SGCZ: variants seen among roughly 807,000 people sequenced by gnomAD.
SGCZ encodes the protein zeta-sarcoglycan.
SGCZ carries 40 observed loss-of-function variants against 41.3 expected under a neutral mutation model. The ratio of observed to expected loss-of-function variants is 0.97; its 90% confidence interval spans 0.75 to 1.26. SGCZ has a LOEUF of 1.26. SGCZ is among the 50% of genes most tolerant of loss of function. The probability of loss-of-function intolerance (pLI) is 0.00; values close to 1 mark genes in which losing one functional copy is unlikely to be tolerated. For synonymous variants in SGCZ, 206 were observed against 137.5 expected (o/e 1.50, Z -3.49); for missense variants, 552 against 369.8 (o/e 1.49, Z -4.04).
intron 1 of SGCZ, among the ~76,000 whole-genome samples, chr8:14,867,772 G>A (rs961528883): frequency 6.6e-6 from 1 of 152,198 alleles, no homozygotes; most frequent in Admixed American, 6.5e-5. Flanking sequence ...GGAGGGTGGA[G>A]AGTGGGAGAA....
At chr8:14,827,301 A>C (rs1423581447) in intron 1 of SGCZ, among the ~76,000 whole-genome samples, 1 of 142,642 alleles carries the variant, frequency 7.0e-6, no homozygotes, top group Non-Finnish European at 1.5e-5. Flanking sequence ...CAGTGACGCC[A>C]TCTCAGCTCA....
chr8:14,162,402 T>G (rs1199807232), intron 5 of SGCZ, among the ~76,000 whole-genome samples: 2 of 152,184 alleles, frequency 1.3e-5, no homozygotes, highest in African/African-American at 4.8e-5. Context: ...GTTCAAAGAT[T>G]ATTAATGTTG....
At chr8:14,777,508 G>A (rs141671244) in intron 1 of SGCZ, among the ~76,000 whole-genome samples, 3 of 152,074 alleles carry the variant, frequency 2.0e-5, no homozygotes, top group African/African-American at 7.2e-5. Context: ...GCCTTTTCTA[G>A]TTGAAGATCC....
chr8:14,348,470 C>A (rs1345192430), intron 2 of SGCZ, among the ~76,000 whole-genome samples: 1 of 152,052 alleles, frequency 6.6e-6, no homozygotes, highest in Non-Finnish European at 1.5e-5. Flanking sequence ...TACCATTATG[C>A]AGTATATTTG....
intron 1 of SGCZ, among the ~76,000 whole-genome samples, chr8:15,190,178 G>A (rs995925561): frequency 2.0e-5 from 3 of 152,032 alleles, no homozygotes; most frequent in African/African-American, 4.8e-5. Flanking sequence ...TAACACCAAC[G>A]GCAAAATCCT....
In SGCZ at chr8:14,812,551, A is replaced by G. The variant is rs948642551; in HGVS notation, c.40-257625T>C. On this transcript the variant is annotated intron_variant, in intron 1 of 7. Transcript: ENST00000382080. Reference sequence around the variant, plus strand: ...CGTTGGCTTCATTTGAATTCTTTCCATAATTTGAGACTGAGTATCTTGTTT... The same window carrying G: ...CGTTGGCTTCATTTGAATTCTTTCCGTAATTTGAGACTGAGTATCTTGTTT... Among the ~76,000 whole-genome samples the G allele has an allele frequency of 2.6e-5, 4 of 152,278 alleles. 1 individual carries two copies. Among genetic ancestry groups the G allele is most frequent in the East Asian group, 1.9e-4 (1 of 5,190 alleles).
chr8:14,921,692 T>A (rs1224946722), intron 1 of SGCZ, among the ~76,000 whole-genome samples: 12 of 152,150 alleles, frequency 7.9e-5, no homozygotes, highest in Admixed American at 7.2e-4. Flanking sequence ...ATTTTACAGA[T>A]GTAAAGTTAG....
At chr8:14,417,800 T>A (rs1300031270) in intron 2 of SGCZ, among the ~76,000 whole-genome samples, 1 of 29,976 alleles carries the variant, frequency 3.3e-5, no homozygotes, top group Non-Finnish European at 1.0e-4. Flanking sequence ...CATTTCACAA[T>A]GTGTATGTAT....
At chr8:15,031,902 C>CCTCT (rs751690018) in intron 1 of SGCZ, among the ~76,000 whole-genome samples, 7,896 of 130,610 alleles carry the variant, frequency 0.06, 290 homozygotes, top group East Asian at 0.14. Context: ...CCTCTATATT[C>CCTCT]CTCTCTCTCT....
intron 2 of SGCZ, among the ~76,000 whole-genome samples, chr8:14,474,366 C>A (rs1801299514): frequency 6.6e-6 from 1 of 152,156 alleles, no homozygotes; most frequent in Non-Finnish European, 1.5e-5. Context: ...GGTCTATAGA[C>A]TTCTAAATCT....
intron 4 of SGCZ, among the ~76,000 whole-genome samples, chr8:14,222,683 G>C (rs1379768039): frequency 2.0e-5 from 3 of 148,350 alleles, no homozygotes; most frequent in African/African-American, 5.0e-5. Flanking sequence ...ACAATTTACT[G>C]TTTTATTGTA....
intron 1 of SGCZ, among the ~76,000 whole-genome samples, chr8:14,603,253 T>C (rs1212675023): frequency 3.3e-5 from 5 of 152,206 alleles, no homozygotes; most frequent in African/African-American, 9.6e-5. Context: ...TCAGCAACGT[T>C]AGACATTGAA....
chr8:14,788,160 CT>C (rs1000128045), intron 1 of SGCZ, among the ~76,000 whole-genome samples: 17 of 152,078 alleles, frequency 1.1e-4, no homozygotes, highest in African/African-American at 3.4e-4. Flanking sequence ...AAATTTCTTT[CT>C]TTTTCCTTTC....
At chr8:14,548,743 G>C (rs893307372) in intron 2 of SGCZ, among the ~76,000 whole-genome samples, 12 of 152,118 alleles carry the variant, frequency 7.9e-5, no homozygotes, top group Admixed American at 2.6e-4. Flanking sequence ...GCCTGTGCAT[G>C]TGTATGTGTA....
chr8:14,314,209 C>A (rs939784158), intron 3 of SGCZ, among the ~76,000 whole-genome samples: 8 of 152,050 alleles, frequency 5.3e-5, no homozygotes, highest in African/African-American at 1.9e-4. Context: ...ACCTCTGCAA[C>A]CAAGTTTGCC....
chr8:14,820,764 G>C (rs1802051637), intron 1 of SGCZ, among the ~76,000 whole-genome samples: 1 of 151,630 alleles, frequency 6.6e-6, no homozygotes, highest in African/African-American at 2.4e-5. Flanking sequence ...GAAATTAAAA[G>C]GGATCTAAAA....
At chr8:14,853,632 G>A (rs966975204) in intron 1 of SGCZ, 9 of 344,278 alleles carry the variant, frequency 2.6e-5, no homozygotes, top group Non-Finnish European at 5.0e-5. Context: ...TTAAAGAACT[G>A]AATCTAAATA....
At chr8:15,045,352 A>G (rs1804264985) in intron 1 of SGCZ, among the ~76,000 whole-genome samples, 1 of 152,096 alleles carries the variant, frequency 6.6e-6, no homozygotes, top group Non-Finnish European at 1.5e-5. Context: ...ACTTTCTCTT[A>G]TCCAGTGGTA....
chr8:14,835,570 T>A (rs1802668737), intron 1 of SGCZ, among the ~76,000 whole-genome samples: 1 of 152,200 alleles, frequency 6.6e-6, no homozygotes, highest in African/African-American at 2.4e-5. Flanking sequence ...TTCCAGATCA[T>A]TAATGAGAGT....
Sources: allele counts gnomAD v4.1 joint callset (sites outside exome capture counted in the v4.1 genomes callset), GRCh38; gene constraint gnomAD v4.1.1; transcripts MANE v1.5; gene names NCBI Gene and HGNC (gene_info 2026-07-23, HGNC 2026-07-21).